Variants in DPM1 observed in about 807,000 individuals in gnomAD.
DPM1 encodes the protein dolichol-phosphate mannosyltransferase subunit 1.
Under a neutral mutation model 39.0 loss-of-function variants are expected in DPM1, and 27 were observed. The observed-to-expected ratio is 0.69, with a 90% confidence interval of 0.51 to 0.95. The LOEUF (loss-of-function observed/expected upper bound fraction) is 0.95. Among genes scored for constraint, DPM1 ranks in the 40% least tolerant of loss-of-function variants. DPM1 has a pLI of 0.00. For missense variants in DPM1, 307 were observed against 315.6 expected (o/e 0.97, Z 0.21); for synonymous variants, 124 against 109.0 (o/e 1.14, Z -0.86).
At position 50,936,145 on chromosome 20, in the gene DPM1, T is replaced by C; in HGVS notation, c.678+3A>G. 2 of 1,601,884 alleles carry C rather than the reference T, an allele frequency of 1.2e-6. No individual in the cohort carries two copies. Among genetic ancestry groups the C allele is most frequent in the Non-Finnish European group, 1.7e-6 (2 of 1,169,002 alleles). On this transcript the variant is annotated splice_donor_region_variant and intron_variant, in intron 8 of 8. Transcript: ENST00000371588. ...GACACACTATTTAGCATCAGTTGCA[T>C]ACCTCGCCAATAGTATAATTCAACT...
At chr20:50,956,451 G>A (rs1046669697) in intron 1 of DPM1, among the ~76,000 whole-genome samples, 1 of 151,528 alleles carries the variant, frequency 6.6e-6, no homozygotes, top group Non-Finnish European at 1.5e-5. Flanking sequence ...AAAAGAACCC[G>A]GGAGGCGGGG....
chr20:50,940,649 A>T (rs1426447047), intron 7 of DPM1, among the ~76,000 whole-genome samples: 1 of 152,220 alleles, frequency 6.6e-6, no homozygotes, highest in African/African-American at 2.4e-5. Flanking sequence ...GTTAACAAGC[A>T]CACAAACCTA....
intron 2 of DPM1, among the ~76,000 whole-genome samples, chr20:50,949,383 T>C (rs186523383): frequency 8.5e-5 from 13 of 152,334 alleles, no homozygotes; most frequent in Admixed American, 5.9e-4. Context: ...TGAATACTAA[T>C]ATCACTCTTC....
At chr20:50,948,857 G>A (rs971848843) in intron 2 of DPM1, among the ~76,000 whole-genome samples, 195 bp from the exon 3 acceptor site, 1 of 151,608 alleles carries the variant, frequency 6.6e-6, no homozygotes, top group Non-Finnish European at 1.5e-5. Flanking sequence ...ATAGTTTAAC[G>A]TAGCTAACAT....
chr20:50,936,987 CCAAGCACTTTCTTCAGTAACTAA>C (rs1985220918), intron 7 of DPM1, among the ~76,000 whole-genome samples: 1 of 151,982 alleles, frequency 6.6e-6, no homozygotes, highest in Admixed American at 6.6e-5. Flanking sequence ...GTGGGTAGAC[CCAAGCACTTTCTTCAGTAACTAA>C]ATAGCAGGGA....
chr20:50,936,203 A>G lies in DPM1; in HGVS notation c.623T>C (p.Val208Ala). The G allele has an allele frequency of 6.2e-7, 1 of 1,613,816 alleles. No individual in the cohort carries two copies. The highest frequency in any genetic ancestry group is 8.5e-7 in the Non-Finnish European group (1 of 1,179,840). ...CCGAACAATCATCTCCATCTGGAAG[A>G]CGTAGCCTTTAGAAACACATTTTTC... is the stretch of plus-strand genomic sequence containing the variant. ...LIEKCVSKGY[V>A]FQMEMIVRAR... Residue 208 changes from valine to alanine, a missense_variant, in exon 8 of 9, where the codon GTC (valine) becomes GCC (alanine). Physicochemically the swap from Val to Ala is moderately conservative, Grantham distance 64. This residue lies in a region of DPM1 where 70 missense variants were observed against 69.4 expected (regional missense o/e 1.01). Transcript: ENST00000371588.
intron 7 of DPM1, among the ~76,000 whole-genome samples, chr20:50,939,068 A>T (rs953591803): frequency 6.6e-6 from 1 of 152,164 alleles, no homozygotes; most frequent in Non-Finnish European, 1.5e-5. Flanking sequence ...ACAGCTAATC[A>T]TTGCTGTCAA....
chr20:50,948,699 CAG>C, intron 2 of DPM1, 37 bp from the exon 3 acceptor site: 1 of 1,587,094 alleles, frequency 6.3e-7, no homozygotes, highest in Non-Finnish European at 8.7e-7. Context: ...CACACAGAAA[CAG>C]AAATCTTATC....
rs963746110 is a variant in DPM1 at position 50,937,453 on chromosome 20, G to GT, written c.564-1192dup. 8.9e-4 allele frequency among the ~76,000 whole-genome samples: 131 copies of GT among 147,892 alleles called. 1 individual carries two copies. The highest frequency in any genetic ancestry group is 1.4e-3 in the Non-Finnish European group (95 of 66,586). On this transcript the variant is annotated intron_variant, in intron 7 of 8. Transcript: ENST00000371588. ...TATTGACCAATGTACTGGGTTTCAGGTTTTTTTTTTATGTTTTGGGGTTAA... is the reference window on the plus strand; with the variant it reads ...TATTGACCAATGTACTGGGTTTCAGGTTTTTTTTTTTATGTTTTGGGGTTAA...
chr20:50,936,179 C>T lies in DPM1; in HGVS notation c.647G>A (p.Arg216Gln), dbSNP rs769390268. Residue 216 changes from arginine to glutamine, a missense_variant, in exon 8 of 9, where the codon CGG (arginine) becomes CAG (glutamine). This residue lies in a region of DPM1 where 70 missense variants were observed against 69.4 expected (regional missense o/e 1.01). Coordinates refer to ENST00000371588, the MANE Select transcript of DPM1 (RefSeq NM_003859.3). ...GYVFQMEMIV[R>Q]ARQLNYTIGE... is the part of the protein sequence containing the mutation. ...AATAGTATAATTCAACTGTCTTGCC[C>T]GAACAATCATCTCCATCTGGAAGAC... 1.7e-5 allele frequency: 28 copies of T among 1,613,460 alleles called. No individual in the cohort carries two copies. The highest frequency in any genetic ancestry group is 3.3e-5 in the South Asian group (3 of 91,070).
intron 7 of DPM1, among the ~76,000 whole-genome samples, chr20:50,937,061 T>TA (rs5841820): frequency 7.9e-5 from 12 of 151,226 alleles, no homozygotes; most frequent in Non-Finnish European, 1.3e-4. Context: ...TTTTTTTTTT[T>TA]AAAGATCAGT....
intron 7 of DPM1, among the ~76,000 whole-genome samples, chr20:50,937,590 C>T (rs1395845513): frequency 6.6e-6 from 1 of 151,806 alleles, no homozygotes; most frequent in Non-Finnish European, 1.5e-5. Flanking sequence ...GACTATGTTT[C>T]CACATTACCT....
At position 50,958,528 on chromosome 20, in the gene DPM1, G is replaced by C. The variant is rs890735917; in HGVS notation, c.-5C>G. ...ACTGACTTCCAAGGAGGCCATGGCGGAACTGAGCCAGATGCCGGAAGCGGA... is the reference window on the plus strand; with the variant it reads ...ACTGACTTCCAAGGAGGCCATGGCGCAACTGAGCCAGATGCCGGAAGCGGA... On this transcript the variant is annotated 5_prime_UTR_variant, in exon 1 of 9. Transcript: ENST00000371588. The C allele has an allele frequency of 6.2e-7, 1 of 1,613,518 alleles. No individual in the cohort carries two copies. The highest frequency in any genetic ancestry group is 8.5e-7 in the Non-Finnish European group (1 of 1,179,992).
rs1476835837 is a variant in DPM1 at position 50,940,809 on chromosome 20, T to C, written c.563+56A>G. On this transcript the variant is annotated intron_variant, in intron 7 of 8. Transcript: ENST00000371588. ...GTAAAGTGTCTCTTTAAAATATCCA[T>C]TGTAAAGAAAGTTAGCCAAGAAGTT... 3.0e-6 allele frequency: 4 copies of C among 1,338,194 alleles called. 1 individual carries two copies. The South Asian group carries it at 3.5e-5, about 12-fold the overall frequency. The allele number at this position is 1,338,194 out of a possible 1,614,324, so 82.9% of individuals were successfully genotyped here.
intron 1 of DPM1, among the ~76,000 whole-genome samples, chr20:50,955,749 G>C (rs6126131): frequency 2.6e-5 from 4 of 152,130 alleles, no homozygotes; most frequent in Admixed American, 2.6e-4. Flanking sequence ...ATTTTTAGTA[G>C]AGACGGGGTT....
Position 50,942,084 on chromosome 20 carries a change from G to C in DPM1, c.441C>G (p.Arg147=). 2.5e-6 allele frequency: 4 copies of C among 1,613,980 alleles called. No individual in the cohort carries two copies. The highest frequency in any genetic ancestry group is 3.4e-6 in the Non-Finnish European group (4 of 1,179,982). Residue 147 remains arginine (R), a synonymous_variant, in exon 6 of 9, where the codon CGC becomes CGG. Coordinates refer to ENST00000371588, the MANE Select transcript of DPM1 (RefSeq NM_003859.3). ...CATATACACCTCCATTTCCTTTGTA[G>C]CGAGTTCCAGAGACAATATCAAAAT... ...EGNFDIVSGT[R]YKGNGGVYGW... is the part of the protein sequence containing the mutation.
chr20:50,946,692 G>A (rs1015399628), intron 3 of DPM1, among the ~76,000 whole-genome samples: 11 of 152,224 alleles, frequency 7.2e-5, no homozygotes, highest in Admixed American at 2.6e-4. Context: ...TTAGGAGCAG[G>A]ACTTGGGGAT....
At chr20:50,955,345 T>A in intron 1 of DPM1, 60 bp from the exon 2 acceptor site, 1 of 1,231,822 alleles carries the variant, frequency 8.1e-7, no homozygotes, top group Non-Finnish European at 1.2e-6. Flanking sequence ...TAAAAGTAAT[T>A]TAAAAATTAC....
intron 6 of DPM1, among the ~76,000 whole-genome samples, chr20:50,941,575 G>T (rs543917267): frequency 6.6e-6 from 1 of 151,742 alleles, no homozygotes; most frequent in African/African-American, 2.4e-5. Context: ...AGGCATGGTG[G>T]TGCAGGTCCA....
Sources: gnomAD v4.1 joint callset for allele counts (sites outside exome capture counted in the v4.1 genomes callset) on GRCh38, gnomAD v4.1.1 for gene constraint, gnomAD v4.1.1 regional missense constraint, MANE v1.5 for transcripts, NCBI Gene and HGNC (gene_info 2026-07-23, HGNC 2026-07-21) for gene names.